The following SDSL variants were observed in gnomAD, a reference collection of about 807,000 sequenced individuals.
SDSL encodes serine dehydratase like.
SDSL carries 26 observed loss-of-function variants against 27.6 expected under a neutral mutation model. That is an observed-to-expected ratio of 0.94 (90% confidence interval 0.69 to 1.31). The LOEUF (loss-of-function observed/expected upper bound fraction) is 1.31. Ranked by LOEUF, SDSL falls within the 50% of genes most tolerant of loss-of-function variation. The pLI is 0.00. For synonymous variants in SDSL, 196 were observed against 180.6 expected, an observed-to-expected ratio of 1.09 and a Z score of -0.69; for missense variants, 431 against 423.5, an observed-to-expected ratio of 1.02 and a Z score of -0.16.
chr12:113,437,735 G>A, intron 7 of SDSL, 151 bp from the exon 8 acceptor site: 1 of 703,226 alleles, frequency 1.4e-6, no homozygotes, highest in Non-Finnish European at 2.4e-6. Context: ...GATGGGGAGA[G>A]CGTGAGACAA....
Position 113,435,449 on chromosome 12 carries a change from G to A in SDSL, c.564G>A (p.Glu188=), listed in dbSNP as rs756869658. The change falls in exon 6 of 8, where the codon GAG becomes GAA. Residue 188 remains glutamate (E), a synonymous_variant. Coordinates refer to ENST00000403593, the MANE Select transcript of SDSL (RefSeq NM_001304993.2). ...LLAGVVAGLL[E]VGWQHVPIIA... is the part of the protein sequence containing the mutation. ...CCGGGGTGGTGGCTGGCCTGCTGGA[G>A]GTGGGCTGGCAGCATGTACCCATCA... 2.5e-6 allele frequency: 4 copies of A among 1,614,032 alleles called. No individual in the cohort carries two copies. The highest frequency in any genetic ancestry group is 2.5e-6 in the Non-Finnish European group (3 of 1,179,966).
intron 1 of SDSL, chr12:113,422,953 C>T (rs903421405): frequency 6.6e-6 from 1 of 152,310 alleles, no homozygotes; most frequent in Admixed American, 6.5e-5. Flanking sequence ...CCTGAGCCCC[C>T]TGCTTTCCCC....
chr12:113,428,520 G>A lies in SDSL; in HGVS notation c.214+61G>A, dbSNP rs538401561. ...TGGGGGAGGAGGAATAGGCTGGAGC[G>A]GCAGTACACATCCAGGGTTGGTCTC... is the stretch of plus-strand genomic sequence containing the variant. On this transcript the variant is annotated intron_variant, in intron 3 of 7. Coordinates refer to ENST00000403593, the MANE Select transcript of SDSL (RefSeq NM_001304993.2). 181 of 1,490,752 alleles carry A rather than the reference G, an allele frequency of 1.2e-4. 2 individuals are homozygous for A. The South Asian group carries it at 1.6e-3, about 13-fold the overall frequency. The allele number at this position is 1,490,752 out of a possible 1,614,324, so 92.3% of individuals were successfully genotyped here.
In SDSL at chr12:113,428,130, C is replaced by A. The variant is rs141768354; in HGVS notation, c.148C>A (p.Arg50=). 2 of 1,612,398 alleles carry A rather than the reference C, an allele frequency of 1.2e-6. No individual in the cohort carries two copies. Among genetic ancestry groups the A allele is most frequent in the Non-Finnish European group, 1.7e-6 (2 of 1,179,450 alleles). The change falls in exon 2 of 8, where the codon CGG becomes AGG. Residue 50 remains arginine (R), a synonymous_variant. Coordinates refer to ENST00000403593, the MANE Select transcript of SDSL (RefSeq NM_001304993.2). ...NVQPSGSFKI[R]GIGHFCQEMA... is the part of the protein sequence containing the mutation. ...GCAGCCCAGCGGCTCCTTCAAGATT[C>A]GGGGCATTGGGCATTTCTGCCAGGA... is the stretch of plus-strand genomic sequence containing the variant.
At position 113,425,675 on chromosome 12, in the gene SDSL, T is replaced by G. The variant is rs140936002; in HGVS notation, c.-21-2287T>G. The G allele has an allele frequency of 1.8e-3, 807 of 455,890 alleles. 11 individuals carry two copies. Among genetic ancestry groups the G allele is most frequent in the South Asian group, 8.1e-3 (522 of 64,524 alleles). The allele number at this position is 455,890 out of a possible 1,614,324, so 28.2% of individuals were successfully genotyped here. A position where few individuals can be genotyped will look rare whatever the true frequency, so the allele number is the denominator to read the frequency against. ...CTTTTCGTCCTTACCCACTGGTCCA[T>G]TCACACACAGCTCCTCGGCTTCAAA... On this transcript the variant is annotated intron_variant, in intron 1 of 7. Transcript: ENST00000403593.
intron 7 of SDSL, among the ~76,000 whole-genome samples, chr12:113,437,455 T>G (rs1291089610): frequency 6.6e-6 from 1 of 152,106 alleles, no homozygotes; most frequent in Admixed American, 6.6e-5. Flanking sequence ...GACGGATGGA[T>G]GGATAATGAA....
chr12:113,427,913 G>T, intron 1 of SDSL, 49 bp from the exon 2 acceptor site: 1 of 1,521,416 alleles, frequency 6.6e-7, no homozygotes, highest in East Asian at 2.4e-5. Context: ...CTGGTTAAGG[G>T]AACTCTTGAT....
Position 113,436,734 on chromosome 12 carries a change from C to G in SDSL, c.672-17C>G. 6.3e-7 allele frequency: 1 copy of G among 1,586,016 alleles called. No homozygotes were observed. Among genetic ancestry groups the G allele is most frequent in the South Asian group, 1.1e-5 (1 of 87,214 alleles). Reference sequence around the variant, plus strand: ...TGAGCCCCTGGTCTCCCTGCCCCACCCTGCTCTATCCTGCAGTGTGGCCAA... The same window carrying G: ...TGAGCCCCTGGTCTCCCTGCCCCACGCTGCTCTATCCTGCAGTGTGGCCAA... On this transcript the variant is annotated splice_polypyrimidine_tract_variant and intron_variant, in intron 6 of 7. Transcript: ENST00000403593.
chr12:113,433,240 A>C (rs550461665), intron 4 of SDSL, among the ~76,000 whole-genome samples: 12 of 152,320 alleles, frequency 7.9e-5, no homozygotes, highest in Non-Finnish European at 1.3e-4. Flanking sequence ...CTCCTGCTGA[A>C]GAGTCCCCAT....
At chr12:113,429,354 A>T (rs1178355414) in intron 4 of SDSL, 55 bp downstream of exon 4, 2 of 1,544,948 alleles carry the variant, frequency 1.3e-6, no homozygotes, top group Admixed American at 1.8e-5. Flanking sequence ...CCTTCACCTC[A>T]CCCCACCCCT....
intron 4 of SDSL, among the ~76,000 whole-genome samples, chr12:113,430,142 CCAT>C (rs1417940698): frequency 8.0e-6 from 1 of 125,678 alleles, no homozygotes; most frequent in Non-Finnish European, 1.6e-5. Context: ...ATCCATCCAC[CCAT>C]CCATCCATCC....
intron 3 of SDSL, 41 bp from the exon 4 acceptor site, chr12:113,429,119 A>C: frequency 6.3e-7 from 1 of 1,585,906 alleles, no homozygotes; most frequent in Non-Finnish European, 8.6e-7. Context: ...ATCAAAGGCC[A>C]ATCAGCTCTG....
At chr12:113,428,186 T>G in intron 2 of SDSL, 30 bp downstream of exon 2, 1 of 1,574,348 alleles carries the variant, frequency 6.4e-7, no homozygotes. Context: ...AGGGGAGAAG[T>G]GAGGTTGTGC....
At chr12:113,431,188 G>T (rs766828799) in intron 4 of SDSL, among the ~76,000 whole-genome samples, 4 of 152,232 alleles carry the variant, frequency 2.6e-5, no homozygotes, top group Non-Finnish European at 5.9e-5. Flanking sequence ...TGAGCCCAGC[G>T]TCAGGGAGGG....
intron 6 of SDSL, among the ~76,000 whole-genome samples, chr12:113,436,352 G>A (rs150708149): frequency 1.3e-5 from 2 of 151,310 alleles, no homozygotes; most frequent in South Asian, 2.1e-4. Flanking sequence ...GCAATGGCGC[G>A]ATCTCAGCTC....
At chr12:113,434,053 C>G in intron 4 of SDSL, 81 bp from the exon 5 acceptor site, 2 of 1,189,326 alleles carry the variant, frequency 1.7e-6, no homozygotes, top group Non-Finnish European at 2.4e-6. Flanking sequence ...CTGGGGCCAC[C>G]AAGGAGATCC....
At chr12:113,433,535 G>T (rs1054389341) in intron 4 of SDSL, among the ~76,000 whole-genome samples, 15 of 152,328 alleles carry the variant, frequency 9.8e-5, no homozygotes, top group African/African-American at 1.9e-4. Context: ...GTAGAAATGA[G>T]TCAGGGAAGG....
At position 113,435,511 on chromosome 12, in the gene SDSL, C is replaced by A. The variant is rs144688002; in HGVS notation, c.626C>A (p.Ala209Glu). 2 of 1,613,974 alleles carry A rather than the reference C, an allele frequency of 1.2e-6. No individual in the cohort carries two copies. The highest frequency in any genetic ancestry group is 2.2e-5 in the East Asian group (1 of 44,876). The change falls in exon 6 of 8, where the codon GCG (alanine) becomes GAG (glutamate). Residue 209 changes from alanine to glutamate, a missense_variant. Coordinates refer to ENST00000403593, the MANE Select transcript of SDSL (RefSeq NM_001304993.2). ...METHGAHCFN[A>E]AITAGKLVTL... ...ACCCATGGGGCACACTGCTTCAATG[C>A]GGCCATCACAGCCGGCAAGCTGGTC...
intron 1 of SDSL, 76 bp from the exon 2 acceptor site, chr12:113,427,886 A>G (rs1593309722): frequency 7.3e-7 from 1 of 1,375,996 alleles, no homozygotes. Flanking sequence ...GGCTTTCTCC[A>G]CCTTCCCCTC....
Sources: gnomAD v4.1 joint callset for allele counts (sites outside exome capture counted in the v4.1 genomes callset) on GRCh38, gnomAD v4.1.1 for gene constraint, MANE v1.5 for transcripts, NCBI Gene and HGNC (gene_info 2026-07-23, HGNC 2026-07-21) for gene names.